The following TMEM232 variants were observed in gnomAD, a reference collection of about 807,000 sequenced individuals.
TMEM232 encodes transmembrane protein 232.
TMEM232 carries 80 observed loss-of-function variants against 78.8 expected under a neutral mutation model. The ratio of observed to expected loss-of-function variants is 1.01; its 90% CI spans 0.85 to 1.22. The LOEUF is 1.22. Ranked by LOEUF, TMEM232 falls within the 50% of genes most tolerant of loss-of-function variation. The pLI, the probability that TMEM232 is intolerant of heterozygous loss-of-function variation, is 0.00. For synonymous variants in TMEM232, 297 were observed against 254.3 expected, an observed-to-expected ratio of 1.17 and a Z score of -1.60; for missense variants, 881 against 742.2, an observed-to-expected ratio of 1.19 and a Z score of -2.17.
At chr5:110,518,375 T>A (rs779009024) in intron 12 of TMEM232, among the ~76,000 whole-genome samples, 1 of 152,194 alleles carries the variant, frequency 6.6e-6, no homozygotes, top group Admixed American at 6.5e-5. Flanking sequence ...AGACAAATTA[T>A]TCTTCCATGT....
chr5:110,514,925 G>A (rs1434344913), intron 12 of TMEM232, among the ~76,000 whole-genome samples: 1 of 152,090 alleles, frequency 6.6e-6, no homozygotes, highest in African/African-American at 2.4e-5. Context: ...TGAAAATCAA[G>A]TTCTAAAAAT....
At chr5:110,661,387 C>T (rs576474701) in intron 2 of TMEM232, among the ~76,000 whole-genome samples, 108 of 149,110 alleles carry the variant, frequency 7.2e-4, no homozygotes, top group Non-Finnish European at 1.3e-3. Flanking sequence ...TCTTTGCTCA[C>T]GGCAATCTCT....
At chr5:110,499,642 C>CATAT (rs1561575653) in intron 12 of TMEM232, among the ~76,000 whole-genome samples, 3 of 147,718 alleles carry the variant, frequency 2.0e-5, no homozygotes, top group African/African-American at 7.9e-5. Flanking sequence ...CCCCCACACA[C>CATAT]ACACATATAT....
chr5:110,590,224 C>T (rs1165934613), intron 10 of TMEM232, among the ~76,000 whole-genome samples: 3 of 152,126 alleles, frequency 2.0e-5, no homozygotes, highest in African/African-American at 7.2e-5. Flanking sequence ...GCTTGTCTCA[C>T]ACAAACCTCA....
intron 1 of TMEM232, among the ~76,000 whole-genome samples, chr5:110,737,406 A>C (rs1480527512): frequency 1.3e-5 from 2 of 152,152 alleles, no homozygotes; most frequent in African/African-American, 4.8e-5. Context: ...TTGTTTTCTA[A>C]GATTTTGGAG....
At chr5:110,572,944 G>A (rs1777132390) in intron 10 of TMEM232, among the ~76,000 whole-genome samples, 1 of 152,076 alleles carries the variant, frequency 6.6e-6, no homozygotes, top group Non-Finnish European at 1.5e-5. Context: ...GGACCAAGCT[G>A]TAGCATAAGG....
chr5:110,644,938 A>T (rs1787272603), intron 2 of TMEM232, among the ~76,000 whole-genome samples: 1 of 151,578 alleles, frequency 6.6e-6, no homozygotes, highest in African/African-American at 2.4e-5. Context: ...GAAACATAAG[A>T]AACTATTATG....
rs1379761663 is a variant in TMEM232 at position 110,419,531 on chromosome 5, T to A, written c.*1049A>T. 6.6e-6 allele frequency among the ~76,000 whole-genome samples: 1 copy of A among 152,162 alleles called. No homozygotes were observed. Among genetic ancestry groups the A allele is most frequent in the Non-Finnish European group, 1.5e-5 (1 of 67,984 alleles). ...TAGCTACTTTTATTTTGAAAAATAA[T>A]CCCATTTAAAAGCTTCTTGAAAGGC... On this transcript the variant is annotated 3_prime_UTR_variant, in exon 14 of 14. Coordinates refer to ENST00000455884, the MANE Select transcript of TMEM232 (RefSeq NM_001039763.4).
At chr5:110,461,875 AACT>A in intron 12 of TMEM232, among the ~76,000 whole-genome samples, 1 of 152,282 alleles carries the variant, frequency 6.6e-6, no homozygotes, top group South Asian at 2.1e-4. Context: ...ATATTTTAGG[AACT>A]ACTGTTCCTA....
chr5:110,495,316 T>C (rs1418817868), intron 12 of TMEM232, among the ~76,000 whole-genome samples: 2 of 151,930 alleles, frequency 1.3e-5, no homozygotes, highest in South Asian at 2.1e-4. Flanking sequence ...TTTAAAATAA[T>C]GATGCCAAGA....
chr5:110,514,388 TACTA>T (rs1768278239), intron 12 of TMEM232, among the ~76,000 whole-genome samples: 1 of 152,122 alleles, frequency 6.6e-6, no homozygotes, highest in Non-Finnish European at 1.5e-5. Context: ...ATCACAATCT[TACTA>T]AGAATTAAAT....
intron 2 of TMEM232, among the ~76,000 whole-genome samples, chr5:110,733,405 G>C (rs1392809316): frequency 1.3e-5 from 2 of 152,112 alleles, no homozygotes; most frequent in African/African-American, 4.8e-5. Context: ...TATGTTCATT[G>C]CACCACTATT....
At chr5:110,692,754 G>A (rs78316939) in intron 1 of TMEM232, among the ~76,000 whole-genome samples, 4 of 152,204 alleles carry the variant, frequency 2.6e-5, no homozygotes, top group African/African-American at 9.6e-5. Flanking sequence ...GGCTGGGGGA[G>A]GGGTGCCTGC....
intron 1 of TMEM232, among the ~76,000 whole-genome samples, chr5:110,701,804 T>A (rs990895373): frequency 1.6e-4 from 24 of 152,028 alleles, no homozygotes. Context: ...ATATGGATGA[T>A]CCCTTGTTAT....
At chr5:110,400,988 C>A (rs1268025911) in intron 2 of TMEM232, among the ~76,000 whole-genome samples, 1 of 152,006 alleles carries the variant, frequency 6.6e-6, no homozygotes, top group Non-Finnish European at 1.5e-5. Flanking sequence ...AATCCTTTTC[C>A]TAAAAGCAAT....
At chr5:110,674,531 A>G (rs541855526) in intron 1 of TMEM232, among the ~76,000 whole-genome samples, 2 of 152,232 alleles carry the variant, frequency 1.3e-5, no homozygotes, top group Non-Finnish European at 2.9e-5. Flanking sequence ...AGCAATAAAC[A>G]TCACCTTTTA....
At chr5:110,592,017 G>GA (rs1779604515) in intron 10 of TMEM232, among the ~76,000 whole-genome samples, 1 of 151,994 alleles carries the variant, frequency 6.6e-6, no homozygotes, top group South Asian at 2.1e-4. Context: ...AGGACACCCA[G>GA]AAAAAATCAT....
At chr5:110,622,573 T>A (rs577466953) in intron 7 of TMEM232, among the ~76,000 whole-genome samples, 7 of 152,240 alleles carry the variant, frequency 4.6e-5, no homozygotes, top group African/African-American at 1.7e-4. Flanking sequence ...TGCCACATTT[T>A]CTTAATCCAG....
intron 12 of TMEM232, among the ~76,000 whole-genome samples, chr5:110,519,076 A>T (rs901964830): frequency 1.3e-5 from 2 of 152,212 alleles, no homozygotes; most frequent in Admixed American, 1.3e-4. Flanking sequence ...ACAGGACCAC[A>T]ATGGACTACG....
Sources: allele counts gnomAD v4.1 joint callset (sites outside exome capture counted in the v4.1 genomes callset), GRCh38; gene constraint gnomAD v4.1.1; transcripts MANE v1.5; gene names NCBI Gene and HGNC (gene_info 2026-07-23, HGNC 2026-07-21).